The following BRD1 variants were observed in gnomAD, a reference collection of about 807,000 sequenced individuals.
The protein encoded by BRD1 is bromodomain-containing protein 1.
BRD1 carries 24 observed loss-of-function variants against 107.7 expected under a neutral mutation model. The ratio of observed to expected loss-of-function variants is 0.22; its 90% confidence interval spans 0.16 to 0.31. The LOEUF (loss-of-function observed/expected upper bound fraction) is 0.31, where lower values mean the gene tolerates loss of function less well. Among genes scored for constraint, BRD1 ranks in the 10% least tolerant of loss-of-function variants. The probability of loss-of-function intolerance (pLI) is 1.00; values close to 1 mark genes in which losing one functional copy is unlikely to be tolerated. For synonymous variants in BRD1, 744 were observed against 686.1 expected (o/e 1.08, Z -1.32); for missense variants, 1,279 against 1,638.6 (o/e 0.78, Z 3.79).
intron 8 of BRD1, among the ~76,000 whole-genome samples, chr22:49,781,810 A>C (rs918741810): frequency 9.2e-5 from 14 of 152,272 alleles, no homozygotes; most frequent in Admixed American, 9.2e-4. Context: ...GTTTTGGTGC[A>C]TTTTTCAACC....
chr22:49,786,910 C>T (rs1262052364), intron 8 of BRD1, among the ~76,000 whole-genome samples: 1 of 137,714 alleles, frequency 7.3e-6, no homozygotes, highest in East Asian at 1.9e-4. Flanking sequence ...CGGGACAACA[C>T]AGCGAGACCC....
At chr22:49,813,150 G>A (rs749217730) in intron 2 of BRD1, among the ~76,000 whole-genome samples, 2 of 152,122 alleles carry the variant, frequency 1.3e-5, no homozygotes, top group African/African-American at 2.4e-5. Context: ...CAGCACTTTC[G>A]GAGGCTGATG....
intron 2 of BRD1, among the ~76,000 whole-genome samples, chr22:49,811,034 G>T (rs2059839767): frequency 6.6e-6 from 1 of 152,072 alleles, no homozygotes; most frequent in South Asian, 2.1e-4. Context: ...TTTAAACGTG[G>T]CCTATCCATA....
At chr22:49,778,281 G>A (rs1028113613) in intron 8 of BRD1, among the ~76,000 whole-genome samples, 1 of 152,194 alleles carries the variant, frequency 6.6e-6, no homozygotes, top group Admixed American at 6.5e-5. Context: ...AGAGCTCCAG[G>A]GAATAGGAAA....
At chr22:49,785,909 C>T (rs527751104) in intron 8 of BRD1, among the ~76,000 whole-genome samples, 12 of 152,300 alleles carry the variant, frequency 7.9e-5, no homozygotes, top group Middle Eastern at 3.4e-3. Flanking sequence ...CCTCCCCGGA[C>T]GCTTCAGGCC....
rs1247499302 is a variant in BRD1 at position 49,827,736 on chromosome 22, G to A, written c.-254C>T. On this transcript the variant is annotated 5_prime_UTR_variant, in exon 1 of 13. Coordinates refer to ENST00000404760, the MANE Select transcript of BRD1 (RefSeq NM_001304808.3). ...GGCTCGGGCTCGGGGCCCAGCTGGA[G>A]GCCCGGCTCGGGGGGCCCGGCCGGC... is the stretch of plus-strand genomic sequence containing the variant. Among the ~76,000 whole-genome samples the A allele has an allele frequency of 6.9e-6, 1 of 144,672 alleles. No homozygotes were observed. Among genetic ancestry groups the A allele is most frequent in the Non-Finnish European group, 1.5e-5 (1 of 65,192 alleles). The allele number at this position is 144,672 out of a possible 152,430, so 94.9% of individuals were successfully genotyped here. A position where few individuals can be genotyped will look rare whatever the true frequency, so the allele number is the denominator to read the frequency against.
intron 1 of BRD1, among the ~76,000 whole-genome samples, chr22:49,826,775 C>T (rs976217658): frequency 1.3e-5 from 2 of 152,230 alleles, no homozygotes; most frequent in East Asian, 1.9e-4. Context: ...AAAACAGACA[C>T]GGGCGGCCGC....
intron 5 of BRD1, 78 bp from the exon 6 acceptor site, chr22:49,798,195 A>G: frequency 7.2e-7 from 1 of 1,383,372 alleles, no homozygotes; most frequent in Non-Finnish European, 9.9e-7. Flanking sequence ...TATTCCATAT[A>G]ACCCACAAGC....
At chr22:49,786,913 C>A (rs9628133) in intron 8 of BRD1, among the ~76,000 whole-genome samples, 7,609 of 136,906 alleles carry the variant, frequency 0.056, 565 homozygotes, top group African/African-American at 0.21. Flanking sequence ...GACAACACAG[C>A]GAGACCCCCA....
chr22:49,797,370 G>A (rs964668543), intron 6 of BRD1, among the ~76,000 whole-genome samples: 2 of 152,152 alleles, frequency 1.3e-5, no homozygotes, highest in South Asian at 4.1e-4. Flanking sequence ...GGCCCACTCT[G>A]GATGAAAACC....
Position 49,777,686 on chromosome 22 carries a change from G to C in BRD1, c.2985C>G (p.Cys995Trp). 3 of 1,606,554 alleles carry C rather than the reference G, an allele frequency of 1.9e-6. No homozygotes were observed. The highest frequency in any genetic ancestry group is 2.5e-6 in the Non-Finnish European group (3 of 1,177,762). ...AGGGCCGCGGTGCCCACCTCGAGTC[G>C]CAGAGCGGGCTGTTGCTGGAGGAGA... ...SSISSSNSPL[C>W]DSSFNAPKCG... The change falls in exon 9 of 13, where the codon TGC (cysteine) becomes TGG (tryptophan). Residue 995 changes from cysteine (C) to tryptophan (W), a missense_variant. Physicochemically the swap from Cys to Trp is radical, Grantham distance 215. Around this residue, in one of 7 missense-constraint regions of BRD1, gnomAD observed 263 missense variants for 251.6 expected, o/e 1.05. Transcript: ENST00000404760.
chr22:49,811,320 A>T (rs981816195), intron 2 of BRD1, among the ~76,000 whole-genome samples: 1 of 152,168 alleles, frequency 6.6e-6, no homozygotes, highest in Non-Finnish European at 1.5e-5. Context: ...AATTTCTAAA[A>T]TTGGTGGTGG....
intron 3 of BRD1, among the ~76,000 whole-genome samples, chr22:49,802,076 A>C (rs115267945): frequency 0.024 from 3,726 of 152,290 alleles, 94 homozygotes; most frequent in South Asian, 0.063. Context: ...AAGACCCAAG[A>C]TCTGAACCCT....
In BRD1 at chr22:49,774,323, C is replaced by T. The variant is rs1361924730; in HGVS notation, c.3480G>A (p.Arg1160=). ...KMMEGRNSSI[R]KAVRIAFDRA... is the part of the protein sequence containing the mutation. ...GGTCAAAAGCGATCCGCACGGCCTT[C>T]CGGATGCTGGAATTCCTCCCTTCCA... Residue 1160 remains arginine, a synonymous_variant, in exon 13 of 13, where the codon CGG becomes CGA. Coordinates refer to ENST00000404760, the MANE Select transcript of BRD1 (RefSeq NM_001304808.3). 1.9e-6 allele frequency: 3 copies of T among 1,614,242 alleles called. No homozygotes were observed. Among genetic ancestry groups the T allele is most frequent in the Non-Finnish European group, 2.5e-6 (3 of 1,180,046 alleles).
rs1306746746 is a variant in BRD1, at chr22:49,783,240, G to A, written c.2857+4150C>T. Among the ~76,000 whole-genome samples the A allele has an allele frequency of 6.6e-6, 1 of 152,274 alleles. No individual in the cohort carries two copies. Among genetic ancestry groups the A allele is most frequent in the East Asian group, 1.9e-4 (1 of 5,208 alleles). ...CACAGATGCCCCACCCCACGAGCAG[G>A]ACTTCTCAGTTGGCCGCAGGGGCAC... On this transcript the variant is annotated intron_variant, in intron 8 of 12. Transcript: ENST00000404760. The surrounding 1 kb of genome is among the most constrained non-coding windows in gnomAD (Gnocchi z 4.2).
chr22:49,784,426 G>A (rs1005500281), intron 8 of BRD1, among the ~76,000 whole-genome samples: 3 of 152,270 alleles, frequency 2.0e-5, no homozygotes, highest in Admixed American at 6.5e-5. Context: ...GCTGGTGAGC[G>A]TGCAGTCACG....
intron 7 of BRD1, 146 bp downstream of exon 7, chr22:49,793,888 G>C (rs1016407787): frequency 6.2e-6 from 7 of 1,120,688 alleles, no homozygotes; most frequent in Admixed American, 5.3e-5. Flanking sequence ...CAAGTGTTCC[G>C]GGATTTGTGA....
chr22:49,806,498 G>A (rs539624593), intron 2 of BRD1: 1 of 152,350 alleles, frequency 6.6e-6, no homozygotes, highest in South Asian at 2.1e-4. Context: ...CTGAGGCGAT[G>A]AGCACCCCCA....
At position 49,773,877 on chromosome 22, in the gene BRD1, A is replaced by C. The variant is rs945867097; in HGVS notation, c.*356T>G. 1.1e-5 allele frequency: 2 copies of C among 175,662 alleles called. No individual in the cohort carries two copies. Among genetic ancestry groups the C allele is most frequent in the African/African-American group, 2.4e-5 (1 of 42,386 alleles). 10.9% of individuals were successfully genotyped at this position (175,662 alleles called of 1,614,324 possible). ...TTAAAATACACATTTGTCATTGTAA[A>C]TTTACATCCCGTCTTATTAAATAAG... On this transcript the variant is annotated 3_prime_UTR_variant, in exon 13 of 13. Coordinates refer to ENST00000404760, the MANE Select transcript of BRD1 (RefSeq NM_001304808.3).
Sources: gnomAD v4.1 joint callset for allele counts (sites outside exome capture counted in the v4.1 genomes callset) on GRCh38, gnomAD v4.1.1 for gene constraint, gnomAD v4.1.1 regional missense constraint, Gnocchi (gnomAD v3.1) non-coding constraint, MANE v1.5 for transcripts, NCBI Gene and HGNC (gene_info 2026-07-23, HGNC 2026-07-21) for gene names.